TMEM117: variants seen among roughly 807,000 people sequenced by gnomAD.
TMEM117 encodes transmembrane protein 117.
In TMEM117, 27 loss-of-function variants were observed where a neutral mutation model predicts 52.4. The observed-to-expected ratio is 0.51, with a 90% confidence interval of 0.38 to 0.71. The LOEUF is 0.71. Ranked by LOEUF, TMEM117 falls within the 30% of genes least tolerant of loss-of-function variation. The pLI is 0.00. For synonymous variants in TMEM117, 215 were observed against 206.3 expected (o/e 1.04, Z -0.36); for missense variants, 556 against 630.5 (o/e 0.88, Z 1.26).
At chr12:44,067,561 C>G (rs989592644) in intron 3 of TMEM117, among the ~76,000 whole-genome samples, 3 of 152,144 alleles carry the variant, frequency 2.0e-5, no homozygotes, top group Non-Finnish European at 4.4e-5. Flanking sequence ...TTGTCAATGA[C>G]ATTTCATAAT....
the TMEM117 span, among the ~76,000 whole-genome samples, chr12:43,801,962 A>G: frequency 0.019 from 2,855 of 152,322 alleles, 54 homozygotes; most frequent in South Asian, 0.072. Context: ...CCTGGGAGGC[A>G]GAGGTTGCAG....
intron 5 of TMEM117, among the ~76,000 whole-genome samples, chr12:44,291,167 T>C (rs548212589): frequency 6.6e-6 from 1 of 152,282 alleles, no homozygotes; most frequent in Non-Finnish European, 1.5e-5. Flanking sequence ...GTTTCTTTCA[T>C]CAACATCTTA....
chr12:43,979,555 A>T (rs541355882), intron 3 of TMEM117, among the ~76,000 whole-genome samples: 4 of 152,110 alleles, frequency 2.6e-5, no homozygotes, highest in Non-Finnish European at 5.9e-5. Context: ...TTGCAAGGGG[A>T]ATAGTATAAA....
At chr12:44,371,615 T>C (rs12301186) in intron 6 of TMEM117, among the ~76,000 whole-genome samples, 4,999 of 152,266 alleles carry the variant, frequency 0.033, 279 homozygotes, top group African/African-American at 0.11. Flanking sequence ...AAGTGAGGTC[T>C]CTTCATTTAA....
chr12:44,156,792 T>C (rs915058547), intron 4 of TMEM117, among the ~76,000 whole-genome samples: 1 of 152,016 alleles, frequency 6.6e-6, no homozygotes. Context: ...AGGGTTGGCT[T>C]TCTTTTTGGG....
chr12:43,985,394 T>A (rs191698708), intron 3 of TMEM117, among the ~76,000 whole-genome samples: 118 of 151,994 alleles, frequency 7.8e-4, no homozygotes, highest in African/African-American at 2.8e-3. Flanking sequence ...TTTAAAAAAA[T>A]TTGGCCTATT....
intron 3 of TMEM117, among the ~76,000 whole-genome samples, chr12:44,086,528 C>G (rs1050710435): frequency 6.6e-6 from 1 of 151,956 alleles, no homozygotes; most frequent in African/African-American, 2.4e-5. Context: ...ACTCTTGATT[C>G]CTGCCTCCAT....
At chr12:44,287,919 G>C (rs1488726944) in intron 5 of TMEM117, among the ~76,000 whole-genome samples, 2 of 152,188 alleles carry the variant, frequency 1.3e-5, no homozygotes, top group Non-Finnish European at 2.9e-5. Context: ...AAGTTAATTG[G>C]TGGTTAATTT....
chr12:44,145,363 C>T (rs952233082), intron 4 of TMEM117, among the ~76,000 whole-genome samples: 6 of 151,874 alleles, frequency 4.0e-5, no homozygotes, highest in Non-Finnish European at 8.8e-5. Flanking sequence ...GATTAAGAGT[C>T]CAGGAATTTG....
At chr12:43,867,049 A>G (rs1943613657) in intron 2 of TMEM117, among the ~76,000 whole-genome samples, 1 of 152,104 alleles carries the variant, frequency 6.6e-6, no homozygotes, top group African/African-American at 2.4e-5. Context: ...AGATTGCGCC[A>G]TTGCACTCCA....
intron 2 of TMEM117, among the ~76,000 whole-genome samples, chr12:43,906,902 G>A (rs11182317): frequency 0.12 from 18,459 of 151,986 alleles, 3,381 homozygotes; most frequent in African/African-American, 0.4. Flanking sequence ...ACTGCAAGGC[G>A]GCAGCGAGGC....
At chr12:44,235,198 A>AT (rs1171695773) in intron 5 of TMEM117, among the ~76,000 whole-genome samples, 3 of 150,978 alleles carry the variant, frequency 2.0e-5, no homozygotes, top group Admixed American at 6.6e-5. Flanking sequence ...CTCTAGATAT[A>AT]TTTTTTTGAC....
At chr12:44,003,375 C>T (rs1352361071) in intron 3 of TMEM117, among the ~76,000 whole-genome samples, 2 of 152,204 alleles carry the variant, frequency 1.3e-5, no homozygotes, top group East Asian at 3.8e-4. Flanking sequence ...GTGCCTCAGC[C>T]ACCGCAAACA....
intron 3 of TMEM117, among the ~76,000 whole-genome samples, chr12:43,981,586 A>G (rs546194509): frequency 1.1e-4 from 17 of 152,294 alleles, no homozygotes; most frequent in African/African-American, 3.4e-4. Context: ...GAGAATATAG[A>G]TAAGATTTCT....
intron 2 of TMEM117, among the ~76,000 whole-genome samples, chr12:43,858,358 C>G (rs952916439): frequency 1.3e-5 from 2 of 152,214 alleles, no homozygotes; most frequent in Admixed American, 1.3e-4. Context: ...TGCTAGGCCA[C>G]TCCCTACAGT....
intron 2 of TMEM117, among the ~76,000 whole-genome samples, chr12:43,848,604 C>A (rs1943252678): frequency 6.6e-6 from 1 of 152,142 alleles, no homozygotes; most frequent in Non-Finnish European, 1.5e-5. Context: ...CACTATTATT[C>A]TGTTCTTTTT....
intron 6 of TMEM117, among the ~76,000 whole-genome samples, chr12:44,303,811 T>G (rs896214726): frequency 6.6e-6 from 1 of 152,174 alleles, no homozygotes; most frequent in Non-Finnish European, 1.5e-5. Context: ...ATGGATACCC[T>G]AAAAGTGCAG....
intron 4 of TMEM117, 48 bp downstream of exon 4, chr12:44,143,672 T>C (rs1218390782): frequency 1.5e-6 from 2 of 1,377,588 alleles, no homozygotes; most frequent in East Asian, 2.3e-5. Flanking sequence ...ACGGAAGACA[T>C]GTTCACAGTG....
At chr12:44,252,276 T>G (rs1392592778) in intron 5 of TMEM117, among the ~76,000 whole-genome samples, 1 of 152,042 alleles carries the variant, frequency 6.6e-6, no homozygotes, top group East Asian at 1.9e-4. Flanking sequence ...GAGGCCGAGG[T>G]AGGCGGATCA....
Sources: gnomAD v4.1 joint callset for allele counts (sites outside exome capture counted in the v4.1 genomes callset) on GRCh38, gnomAD v4.1.1 for gene constraint, MANE v1.5 for transcripts, NCBI Gene and HGNC (gene_info 2026-07-23, HGNC 2026-07-21) for gene names.